SYNE3: variants seen among roughly 807,000 people sequenced by gnomAD.
SYNE3 encodes nesprin-3.
In SYNE3, 100 loss-of-function variants were observed where a neutral mutation model predicts 111.2. The observed-to-expected ratio is 0.90, with a 90% CI of 0.77 to 1.06. The LOEUF (loss-of-function observed/expected upper bound fraction) is 1.06. SYNE3 is among the 50% of genes least tolerant of loss of function. The probability of loss-of-function intolerance (pLI) is 0.00; values close to 1 mark genes in which losing one functional copy is unlikely to be tolerated. For missense variants in SYNE3, 1,160 were observed against 1,240.3 expected (o/e 0.94, Z 0.97); for synonymous variants, 547 against 533.9 (o/e 1.02, Z -0.34).
intron 17 of SYNE3, among the ~76,000 whole-genome samples, chr14:95,430,648 A>G (rs955333459): frequency 1.3e-5 from 2 of 152,080 alleles, no homozygotes; most frequent in African/African-American, 4.8e-5. Context: ...ACATGGTGAA[A>G]CCCCGTCTCT....
intron 1 of SYNE3, among the ~76,000 whole-genome samples, 41 bp downstream of exon 1, chr14:95,516,555 C>CCCCGGCT (rs1420273813): frequency 2.0e-5 from 3 of 151,410 alleles, no homozygotes; most frequent in Non-Finnish European, 4.4e-5. Flanking sequence ...GGCCCCCGGC[C>CCCCGGCT]CCCGGCCCCA....
chr14:95,449,607 C>A (rs1886933951), intron 8 of SYNE3: 2 of 985,350 alleles, frequency 2.0e-6, no homozygotes, highest in African/African-American at 1.7e-5. Context: ...AGGTTTCTTG[C>A]CACTTGGAGC....
chr14:95,441,775 C>A (rs1454949691), intron 11 of SYNE3, among the ~76,000 whole-genome samples: 1 of 152,196 alleles, frequency 6.6e-6, no homozygotes, highest in Admixed American at 6.5e-5. Flanking sequence ...TTCAACCAGA[C>A]ATTAATCGTC....
Position 95,413,099 on chromosome 14 carries a change from A to G in SYNE3, c.*4727T>C, listed in dbSNP as rs1903475620. ...GCCACTAGCGCTTGTCCTCAGAGGA[A>G]AGTTGGGAACCATGAAGGCACAGCC... On this transcript the variant is annotated 3_prime_UTR_variant, in exon 18 of 18. Coordinates refer to ENST00000682763, the MANE Select transcript of SYNE3 (RefSeq NM_152592.6). 6.6e-6 allele frequency: 1 copy of G among 152,056 alleles called. No individual in the cohort carries two copies. The highest frequency in any genetic ancestry group is 2.4e-5 in the African/African-American group (1 of 41,366). The allele number at this position is 152,056 out of a possible 1,614,324, so 9.4% of individuals were successfully genotyped here. A position where few individuals can be genotyped will look rare whatever the true frequency, so the allele number is the denominator to read the frequency against.
intron 4 of SYNE3, among the ~76,000 whole-genome samples, chr14:95,461,385 C>T (rs532006219): frequency 3.3e-5 from 5 of 152,328 alleles, no homozygotes; most frequent in African/African-American, 7.2e-5. Context: ...AGCCCCTCCC[C>T]GCAGCCAGCC....
Position 95,455,712 on chromosome 14 carries a change from C to A in SYNE3, c.802G>T (p.Asp268Tyr), listed in dbSNP as rs2139438467. The change falls in exon 6 of 18, where the codon GAT becomes TAT. Residue 268 changes from aspartate (D) to tyrosine (Y), a missense_variant. By Grantham distance (160) the Asp-to-Tyr change is radical (BLOSUM62 -3). Coordinates refer to ENST00000682763, the MANE Select transcript of SYNE3 (RefSeq NM_152592.6). ...RLSTLQDIAKDFPRGEESLET... is the reference protein window; with the variant it reads ...RLSTLQDIAKYFPRGEESLET... ...AGAGACTCCTCGCCCCTGGGAAAAT[C>A]TTTGGCAATGTCCTGAAGAGGGTAG... is the stretch of plus-strand genomic sequence containing the variant. 1.2e-6 allele frequency: 2 copies of A among 1,614,050 alleles called. No homozygotes were observed. The highest frequency in any genetic ancestry group is 1.3e-5 in the African/African-American group (1 of 75,058).
intron 1 of SYNE3, among the ~76,000 whole-genome samples, chr14:95,509,456 T>C (rs1890646063): frequency 1.3e-5 from 2 of 152,130 alleles, no homozygotes; most frequent in African/African-American, 2.4e-5. Context: ...GGGTGAACTA[T>C]AGTGGCCAGA....
intron 17 of SYNE3, among the ~76,000 whole-genome samples, chr14:95,425,411 C>T (rs565691330): frequency 1.3e-5 from 2 of 152,234 alleles, no homozygotes; most frequent in Admixed American, 6.5e-5. Flanking sequence ...GTGGAGACAG[C>T]AGAAAGATGT....
At chr14:95,438,803 GCCC>G in intron 14 of SYNE3, 3 of 527,026 alleles carry the variant, frequency 5.7e-6, no homozygotes, top group Non-Finnish European at 1.0e-5. Context: ...TACCCCTACT[GCCC>G]TGGTGGCCTG....
At chr14:95,471,849 G>C (rs1888549051) in intron 2 of SYNE3, among the ~76,000 whole-genome samples, 2 of 152,192 alleles carry the variant, frequency 1.3e-5, no homozygotes, top group African/African-American at 4.8e-5. Flanking sequence ...CGGATGTAAG[G>C]AAACACCTTG....
chr14:95,420,846 A>T (rs892449191), intron 17 of SYNE3, among the ~76,000 whole-genome samples: 1 of 152,078 alleles, frequency 6.6e-6, no homozygotes, highest in Non-Finnish European at 1.5e-5. Context: ...TAAGCTCCCT[A>T]TCTGGTATGG....
chr14:95,506,750 T>A (rs1890542889), intron 1 of SYNE3, among the ~76,000 whole-genome samples: 1 of 152,168 alleles, frequency 6.6e-6, no homozygotes, highest in Non-Finnish European at 1.5e-5. Flanking sequence ...GAATCCCACA[T>A]CTGTTATCTC....
intron 17 of SYNE3, chr14:95,430,006 G>GGAAGGAAGGAAGGAA (rs1389462231): frequency 8.4e-5 from 32 of 382,920 alleles, no homozygotes; most frequent in African/African-American, 6.3e-4. Flanking sequence ...AAGGAAAGAA[G>GGAAGGAAGGAAGGAA]GGAGGGAGGG....
chr14:95,509,473 T>C (rs1017063539), intron 1 of SYNE3, among the ~76,000 whole-genome samples: 2 of 152,048 alleles, frequency 1.3e-5, no homozygotes, highest in African/African-American at 2.4e-5. Context: ...CAGACCCAAG[T>C]CCCCAAACAC....
chr14:95,455,289 C>T (rs1390846674), intron 6 of SYNE3, 88 bp downstream of exon 6: 7 of 1,103,774 alleles, frequency 6.3e-6, no homozygotes, highest in African/African-American at 4.7e-5. Flanking sequence ...GGGCTCAGCC[C>T]GATTCTCCAT....
At chr14:95,463,314 T>A (rs12434159) in intron 4 of SYNE3, among the ~76,000 whole-genome samples, 1 of 152,156 alleles carries the variant, frequency 6.6e-6, no homozygotes, top group African/African-American at 2.4e-5. Context: ...AGGGGAGAAC[T>A]CCCTGGAATG....
intron 1 of SYNE3, among the ~76,000 whole-genome samples, chr14:95,495,155 T>C (rs1019026820): frequency 1.3e-5 from 2 of 151,734 alleles, no homozygotes; most frequent in African/African-American, 2.4e-5. Context: ...AAAAAGGCCA[T>C]GGGTTCAGAT....
In SYNE3 at chr14:95,476,520, A is replaced by G. The variant is rs1888900108; in HGVS notation, c.-14-685T>C. Among the ~76,000 whole-genome samples the G allele has an allele frequency of 2.0e-5, 3 of 152,242 alleles. No individual in the cohort carries two copies. In the South Asian group the frequency reaches 6.2e-4, roughly 32 times the overall value. On this transcript the variant is annotated intron_variant, in intron 1 of 17. Coordinates refer to ENST00000682763, the MANE Select transcript of SYNE3 (RefSeq NM_152592.6). ...CTAGGTAACACCTGCCTGCTGGCAT[A>G]GGTCACCCACCAGAGACCCCTTTTG... is the stretch of plus-strand genomic sequence containing the variant.
chr14:95,492,014 G>A (rs1889875869), intron 1 of SYNE3, among the ~76,000 whole-genome samples: 1 of 152,174 alleles, frequency 6.6e-6, no homozygotes, highest in Admixed American at 6.5e-5. Flanking sequence ...AGCCCAGAAA[G>A]CACAGAAAAG....
Sources: gnomAD v4.1 joint callset for allele counts (sites outside exome capture counted in the v4.1 genomes callset) on GRCh38, gnomAD v4.1.1 for gene constraint, MANE v1.5 for transcripts, NCBI Gene and HGNC (gene_info 2026-07-23, HGNC 2026-07-21) for gene names.